Variants in PKIB observed in about 807,000 individuals in gnomAD.
The protein encoded by PKIB is PKI-beta.
In PKIB, 2 loss-of-function variants were observed where a neutral mutation model predicts 4.5. The observed-to-expected ratio is 0.44, with a 90% CI of 0.18 to 1.39. The LOEUF (loss-of-function observed/expected upper bound fraction) is 1.39. Ranked by LOEUF, PKIB falls within the 40% of genes most tolerant of loss-of-function variation. The pLI, the probability that PKIB is intolerant of heterozygous loss-of-function variation, is 0.27. For missense variants in PKIB, 94 were observed against 92.6 expected, an observed-to-expected ratio of 1.02 and a Z score of -0.06; for synonymous variants, 38 against 36.0, an observed-to-expected ratio of 1.06 and a Z score of -0.20.
chr6:122,697,853 G>A (rs2115017804), intron 3 of PKIB, among the ~76,000 whole-genome samples: 1 of 152,178 alleles, frequency 6.6e-6, no homozygotes, highest in Non-Finnish European at 1.5e-5. Flanking sequence ...ATGAGATAAG[G>A]AATATCCTGT....
intron 3 of PKIB, among the ~76,000 whole-genome samples, chr6:122,687,741 G>T (rs1778150516): frequency 6.6e-6 from 1 of 151,828 alleles, no homozygotes; most frequent in African/African-American, 2.4e-5. Context: ...TTACTTTTTT[G>T]ATTTCTTTTT....
At chr6:122,565,613 T>C (rs1773167105) in intron 2 of PKIB, among the ~76,000 whole-genome samples, 2 of 152,156 alleles carry the variant, frequency 1.3e-5, no homozygotes, top group Admixed American at 1.3e-4. Flanking sequence ...GTTTAACCAG[T>C]TTAACTGTCT....
chr6:122,553,478 C>CTTTTTTTTTTT (rs1562249215), intron 2 of PKIB, among the ~76,000 whole-genome samples: 18 of 48,920 alleles, frequency 3.7e-4, no homozygotes, highest in East Asian at 2.9e-3. Flanking sequence ...GCTCAAATAT[C>CTTTTTTTTTTT]TTCTTTTTTT....
At chr6:122,619,532 A>G (rs1419949722) in intron 1 of PKIB, among the ~76,000 whole-genome samples, 3 of 151,798 alleles carry the variant, frequency 2.0e-5, no homozygotes, top group African/African-American at 7.3e-5. Context: ...CCTTTCTCAT[A>G]GCTGTCCCAC....
intron 2 of PKIB, among the ~76,000 whole-genome samples, chr6:122,509,490 G>A (rs1776521462): frequency 6.6e-6 from 1 of 151,526 alleles, no homozygotes; most frequent in Non-Finnish European, 1.5e-5. Context: ...GAGTCCAGTG[G>A]TGCGATCTCG....
At chr6:122,665,719 C>T (rs1777196142) in intron 2 of PKIB, among the ~76,000 whole-genome samples, 1 of 152,056 alleles carries the variant, frequency 6.6e-6, no homozygotes, top group Admixed American at 6.6e-5. Flanking sequence ...ACTGAAAATG[C>T]ATTTGAAATT....
intron 3 of PKIB, among the ~76,000 whole-genome samples, chr6:122,676,588 G>C (rs1016453373): frequency 6.6e-6 from 1 of 152,140 alleles, no homozygotes; most frequent in African/African-American, 2.4e-5. Flanking sequence ...GACTACCCTA[G>C]ATCATTTTAT....
At chr6:122,496,272 A>G (rs1227248687) in intron 2 of PKIB, among the ~76,000 whole-genome samples, 1 of 152,186 alleles carries the variant, frequency 6.6e-6, no homozygotes, top group Non-Finnish European at 1.5e-5. Context: ...GACCCTAACC[A>G]ACACATTTAT....
intron 3 of PKIB, among the ~76,000 whole-genome samples, chr6:122,682,227 G>A (rs747269883): frequency 2.0e-5 from 3 of 152,042 alleles, no homozygotes; most frequent in Non-Finnish European, 4.4e-5. Flanking sequence ...GAGTTAGAGA[G>A]TAAAATTATA....
chr6:122,644,068 G>A (rs1776219524), intron 2 of PKIB: 1 of 152,130 alleles, frequency 6.6e-6, no homozygotes, highest in Non-Finnish European at 1.5e-5. Context: ...CGTGTGAGCT[G>A]ATTGCAAGGG....
At chr6:122,585,950 C>G (rs898080604) in exon 3 of PKIB, 7 of 152,202 alleles carry the variant, frequency 4.6e-5, no homozygotes, top group Admixed American at 3.3e-4. Context: ...ATGACACACT[C>G]TGAAATTAAT....
In PKIB at chr6:122,714,932, G is replaced by A. The variant is rs200508800; in HGVS notation, c.-8-2855G>A. ...CCTGAGTAGCTGGGATCACAGGTGT[G>A]AGCCACCATACCTGACTATTTTTTT... On this transcript the variant is annotated intron_variant, in intron 3 of 4. Coordinates refer to ENST00000368452, the MANE Select transcript of PKIB (RefSeq NM_181795.3). 8.6e-5 allele frequency among the ~76,000 whole-genome samples: 13 copies of A among 151,934 alleles called. No homozygotes were observed. In the East Asian group the frequency reaches 2.1e-3, roughly 25 times the overall value.
At chr6:122,541,120 T>A (rs1777582919) in intron 2 of PKIB, among the ~76,000 whole-genome samples, 1 of 151,410 alleles carries the variant, frequency 6.6e-6, no homozygotes, top group Admixed American at 6.6e-5. Context: ...CACTGATGGG[T>A]CTTGACTCTT....
intron 2 of PKIB, among the ~76,000 whole-genome samples, chr6:122,562,028 ACT>A (rs1773049662): frequency 2.3e-4 from 9 of 39,040 alleles, no homozygotes; most frequent in Non-Finnish European, 3.9e-4. Context: ...TTGCTTTTTA[ACT>A]TGTATTTTTG....
At chr6:122,701,160 C>A in intron 3 of PKIB, 1 of 303,434 alleles carries the variant, frequency 3.3e-6, no homozygotes. Flanking sequence ...CAGAGGAGAC[C>A]AGAAAGGTCA....
chr6:122,601,923 G>GT (rs1774382120), intron 3 of PKIB, among the ~76,000 whole-genome samples: 1 of 151,934 alleles, frequency 6.6e-6, no homozygotes, highest in Admixed American at 6.6e-5. Flanking sequence ...TGTTGTTTAA[G>GT]GGTCACCTGT....
chr6:122,624,423 A>C (rs1350515436), intron 1 of PKIB, among the ~76,000 whole-genome samples: 1 of 152,188 alleles, frequency 6.6e-6, no homozygotes, highest in Non-Finnish European at 1.5e-5. Context: ...CCAGTATAAG[A>C]TGTGAAGACA....
Position 122,675,107 on chromosome 6 carries a change from C to G in PKIB, c.-46C>G, listed in dbSNP as rs1255529419. The G allele has an allele frequency of 6.6e-6, 1 of 151,982 alleles. No individual in the cohort carries two copies. The highest frequency in any genetic ancestry group is 1.5e-5 in the Non-Finnish European group (1 of 67,928). The allele number at this position is 151,982 out of a possible 1,614,324, so 9.4% of individuals were successfully genotyped here. A position where few individuals can be genotyped will look rare whatever the true frequency, so the allele number is the denominator to read the frequency against. On this transcript the variant is annotated 5_prime_UTR_variant, in exon 3 of 5. Transcript: ENST00000368452. ...GAAAGTTTATCAGAATTTTTTAAAC[C>G]TGTCTCAGAAATAACAACATATTTT...
chr6:122,575,392 A>T (rs1773497934), intron 2 of PKIB, among the ~76,000 whole-genome samples: 1 of 152,080 alleles, frequency 6.6e-6, no homozygotes, highest in East Asian at 1.9e-4. Context: ...AATATGTGGT[A>T]GATCCAGCAG....
Sources: allele counts gnomAD v4.1 joint callset (sites outside exome capture counted in the v4.1 genomes callset), GRCh38; gene constraint gnomAD v4.1.1; transcripts MANE v1.5; gene names NCBI Gene and HGNC (gene_info 2026-07-23, HGNC 2026-07-21).